C3orf22: variants seen among roughly 807,000 people sequenced by gnomAD.
C3orf22 encodes the protein uncharacterized protein C3orf22.
C3orf22 carries 7 observed loss-of-function variants against 10.8 expected under a neutral mutation model. The ratio of observed to expected loss-of-function variants is 0.65; its 90% CI spans 0.37 to 1.22. C3orf22 has a LOEUF of 1.22. C3orf22 is among the 50% of genes most tolerant of loss of function. C3orf22 has a pLI of 0.02. For missense variants in C3orf22, 173 were observed against 177.0 expected (o/e 0.98, Z 0.13); for synonymous variants, 79 against 78.9 (o/e 1.00, Z 0.00).
chr3:126,558,404 C>G (rs532753330), intron 1 of C3orf22, among the ~76,000 whole-genome samples: 30 of 152,276 alleles, frequency 2.0e-4, no homozygotes, highest in Non-Finnish European at 4.1e-4. Context: ...CGCCCCTCAG[C>G]CCCACCCCAT....
chr3:126,548,506 C>G (rs186004083), downstream of C3orf22, among the ~76,000 whole-genome samples: 58 of 152,354 alleles, frequency 3.8e-4, no homozygotes, highest in African/African-American at 1.3e-3. Context: ...ACAACCTCCT[C>G]GAAGCTTATA....
intron 1 of C3orf22, among the ~76,000 whole-genome samples, chr3:126,555,161 G>A (rs1474686252): frequency 6.6e-6 from 1 of 152,200 alleles, no homozygotes; most frequent in Non-Finnish European, 1.5e-5. Flanking sequence ...CTTGGAGGCT[G>A]CACTTCACCA....
intron 3 of C3orf22, among the ~76,000 whole-genome samples, chr3:126,551,445 G>A (rs1937185085): frequency 6.6e-6 from 1 of 152,224 alleles, no homozygotes; most frequent in African/African-American, 2.4e-5. Context: ...TGTTTAGGAG[G>A]AAGTAGGTGT....
At chr3:126,534,751 G>A (rs1191956184) in intron 4 of C3orf22, among the ~76,000 whole-genome samples, 1 of 146,630 alleles carries the variant, frequency 6.8e-6, no homozygotes, top group African/African-American at 2.6e-5. Flanking sequence ...TCCCCACCCA[G>A]GAGACAGACA....
At chr3:126,547,411 C>G (rs963186311), downstream of C3orf22, among the ~76,000 whole-genome samples, 1 of 152,242 alleles carries the variant, frequency 6.6e-6, no homozygotes, top group African/African-American at 2.4e-5. Context: ...AACCTAAACT[C>G]AGTGCACAAG....
At position 126,552,141 on chromosome 3, in the gene C3orf22, T is replaced by G. The variant is rs1422197398; in HGVS notation, c.90-19A>C. 6.2e-7 allele frequency: 1 copy of G among 1,612,984 alleles called. No individual in the cohort carries two copies. The highest frequency in any genetic ancestry group is 1.7e-5 in the Admixed American group (1 of 59,766). On this transcript the variant is annotated intron_variant, in intron 2 of 3. Transcript: ENST00000318225. ...CGACAACCTGCAACAGCACTTGGAA[T>G]GTCAACATGGCCACCATCCACCAGC...
At chr3:126,533,510 T>C (rs1363217355) in intron 4 of C3orf22, among the ~76,000 whole-genome samples, 1 of 152,226 alleles carries the variant, frequency 6.6e-6, no homozygotes, top group Non-Finnish European at 1.5e-5. Context: ...ATTCTATTAA[T>C]ACAGTGTATT....
intron 4 of C3orf22, among the ~76,000 whole-genome samples, chr3:126,539,810 CACCACAAACACACAT>C (rs1936901364): frequency 4.7e-5 from 5 of 106,330 alleles, no homozygotes; most frequent in East Asian, 2.9e-4. Context: ...CCACACCACA[CACCACAAACACACAT>C]ACCACACACA....
At chr3:126,542,568 G>A in intron 4 of C3orf22, 3 of 1,493,356 alleles carry the variant, frequency 2.0e-6, no homozygotes, top group Non-Finnish European at 2.7e-6. Flanking sequence ...TCCTACCTGC[G>A]GCTGCTCTAG....
At chr3:126,551,520 C>A (rs1383415857) in intron 3 of C3orf22, among the ~76,000 whole-genome samples, 1 of 152,182 alleles carries the variant, frequency 6.6e-6, no homozygotes, top group East Asian at 1.9e-4. Context: ...TTTGAGCGCC[C>A]CATGCATGGG....
At chr3:126,541,255 G>T (rs1936951167) in intron 4 of C3orf22, among the ~76,000 whole-genome samples, 1 of 152,230 alleles carries the variant, frequency 6.6e-6, no homozygotes, top group Non-Finnish European at 1.5e-5. Flanking sequence ...GTGCAAAGGA[G>T]AGTGCTGATT....
intron 3 of C3orf22, among the ~76,000 whole-genome samples, chr3:126,550,298 C>T (rs1464547505): frequency 1.3e-5 from 2 of 152,200 alleles, no homozygotes; most frequent in Non-Finnish European, 2.9e-5. Context: ...ACAGGCTCCT[C>T]CAGCCACCTG....
intron 3 of C3orf22, among the ~76,000 whole-genome samples, 189 bp downstream of exon 3, chr3:126,551,808 T>A (rs1173009611): frequency 6.6e-6 from 1 of 152,252 alleles, no homozygotes; most frequent in Non-Finnish European, 1.5e-5. Context: ...TGCCCTTGCC[T>A]GGATGCTGCC....
downstream of C3orf22, among the ~76,000 whole-genome samples, chr3:126,546,185 G>C (rs1307082876): frequency 6.6e-6 from 1 of 152,186 alleles, no homozygotes; most frequent in African/African-American, 2.4e-5. Context: ...TGACCACCAG[G>C]CCTCTTGGCC....
intron 4 of C3orf22, among the ~76,000 whole-genome samples, chr3:126,531,277 CT>C (rs1200997659): frequency 6.6e-6 from 1 of 152,216 alleles, no homozygotes; most frequent in African/African-American, 2.4e-5. Flanking sequence ...CCCACACAAG[CT>C]GAAGTTTGGG....
downstream of C3orf22, among the ~76,000 whole-genome samples, chr3:126,547,514 T>C (rs1380346723): frequency 6.6e-6 from 1 of 152,222 alleles, no homozygotes; most frequent in African/African-American, 2.4e-5. Flanking sequence ...TATGTTTTTA[T>C]AATTGACTCT....
intron 4 of C3orf22, among the ~76,000 whole-genome samples, chr3:126,543,444 T>C (rs13323871): frequency 0.99 from 150,696 of 152,264 alleles, 74,585 homozygotes; most frequent in East Asian, 1. Flanking sequence ...GGGTACCTCC[T>C]AGTGGTGCAT....
intron 4 of C3orf22, chr3:126,542,778 G>T: frequency 1.5e-6 from 1 of 687,866 alleles, no homozygotes; most frequent in Non-Finnish European, 2.1e-6. Flanking sequence ...GCGTGTGCCT[G>T]CCTCGGCCTG....
chr3:126,552,206 G>T, intron 2 of C3orf22, 84 bp from the exon 3 acceptor site: 1 of 1,592,760 alleles, frequency 6.3e-7, no homozygotes, highest in Non-Finnish European at 8.5e-7. Context: ...CTTTCCATCT[G>T]CTAGGCACTG....
Sources: allele counts gnomAD v4.1 joint callset (sites outside exome capture counted in the v4.1 genomes callset), GRCh38; gene constraint gnomAD v4.1.1; transcripts MANE v1.5; gene names NCBI Gene and HGNC (gene_info 2026-07-23, HGNC 2026-07-21).